Variants in ABI3BP observed in about 807,000 individuals in gnomAD.
ABI3BP encodes the protein ABI family member 3 binding protein.
Under a neutral mutation model 268.6 loss-of-function variants are expected in ABI3BP, and 216 were observed. That is an observed-to-expected ratio of 0.80 (90% CI 0.72 to 0.90). The LOEUF (loss-of-function observed/expected upper bound fraction) is 0.90, where lower values mean the gene tolerates loss of function less well. ABI3BP is among the 40% of genes least tolerant of loss of function. The pLI, the probability that ABI3BP is intolerant of heterozygous loss-of-function variation, is 0.00. For missense variants in ABI3BP, 2,090 were observed against 2,182.4 expected (o/e 0.96, Z 0.84); for synonymous variants, 730 against 730.0 (o/e 1.00, Z 0.00).
chr3:100,751,584 T>C lies in ABI3BP; in HGVS notation c.5213A>G (p.Gln1738Arg), dbSNP rs987529961. ...DSFLDGRTGQ[Q>R]LTSDQLPIKE... ...GATTGGTAACTGGTCAGAAGTGAGT[T>C]GCTGCCCAGTGCGTCCATCTAAAAA... The change falls in exon 67 of 68, where the codon CAA becomes CGA. Residue 1738 changes from glutamine (Q) to arginine (R), a missense_variant. Physicochemically the swap from Gln to Arg is conservative, Grantham distance 43. Coordinates refer to ENST00000471714, the MANE Select transcript of ABI3BP (RefSeq NM_001375547.2). 1.9e-5 allele frequency: 30 copies of C among 1,596,972 alleles called. No individual in the cohort carries two copies. Among genetic ancestry groups the C allele is most frequent in the Non-Finnish European group, 2.5e-5 (29 of 1,170,636 alleles).
chr3:100,757,755 G>GAAATTCACAA (rs2095702754), intron 63 of ABI3BP, among the ~76,000 whole-genome samples: 1 of 152,090 alleles, frequency 6.6e-6, no homozygotes, highest in Non-Finnish European at 1.5e-5. Context: ...AGAAATGACT[G>GAAATTCACAA]GAGTATTTGA....
Position 100,861,276 on chromosome 3 carries a change from C to T in ABI3BP, c.1285+1035G>A, listed in dbSNP as rs576428094. ...TCTATCTTTTGCAGATATCTGAGCC[C>T]ATTACATATACTAGAGAAAGGATAA... On this transcript the variant is annotated intron_variant, in intron 14 of 67. Coordinates refer to ENST00000471714, the MANE Select transcript of ABI3BP (RefSeq NM_001375547.2). Among the ~76,000 whole-genome samples the T allele has an allele frequency of 1.6e-3, 248 of 152,244 alleles. 2 individuals are homozygous for T. Among genetic ancestry groups the T allele is most frequent in the African/African-American group, 5.7e-3 (235 of 41,538 alleles).
intron 51 of ABI3BP, among the ~76,000 whole-genome samples, chr3:100,802,365 T>C (rs1446296036): frequency 1.3e-5 from 2 of 152,172 alleles, no homozygotes; most frequent in Non-Finnish European, 2.9e-5. Context: ...GCTCTTGGTG[T>C]AGAAAGGAAC....
intron 48 of ABI3BP, 32 bp from the exon 49 acceptor site, chr3:100,810,509 C>T: frequency 6.8e-7 from 1 of 1,473,922 alleles, no homozygotes; most frequent in South Asian, 1.2e-5. Context: ...ACGCGGGTTA[C>T]TATAGCACTT....
At position 100,770,783 on chromosome 3, in the gene ABI3BP, G is replaced by A; in HGVS notation, c.4701C>T (p.Val1567=). Residue 1567 remains valine, a synonymous_variant, in exon 62 of 68, where the codon GTC becomes GTT. Transcript: ENST00000471714. Reference sequence around the variant, plus strand: ...TTAGTGGCTTTTCCCAGTCCAAGATGACAAATGAGGGGCACCCTTCCACGG... The same window carrying A: ...TTAGTGGCTTTTCCCAGTCCAAGATAACAAATGAGGGGCACCCTTCCACGG... ...VVTVEGCPSF[V]ILDWEKPLND... The A allele has an allele frequency of 6.4e-7, 1 of 1,556,870 alleles. No homozygotes were observed. Among genetic ancestry groups the A allele is most frequent in the Non-Finnish European group, 8.7e-7 (1 of 1,150,568 alleles).
At chr3:100,760,726 C>T (rs1368947308) in intron 63 of ABI3BP, among the ~76,000 whole-genome samples, 5 of 152,212 alleles carry the variant, frequency 3.3e-5, no homozygotes, top group South Asian at 2.1e-4. Flanking sequence ...CTGCTCTATT[C>T]GCAGAACTAA....
intron 34 of ABI3BP, among the ~76,000 whole-genome samples, chr3:100,828,018 C>T (rs2098419687): frequency 6.6e-6 from 1 of 151,402 alleles, no homozygotes; most frequent in Non-Finnish European, 1.5e-5. Context: ...GATAAAAAAA[C>T]AAACAAAAAT....
intron 62 of ABI3BP, among the ~76,000 whole-genome samples, chr3:100,768,935 T>C (rs2096441049): frequency 6.6e-6 from 1 of 152,240 alleles, no homozygotes; most frequent in Non-Finnish European, 1.5e-5. Flanking sequence ...TAGAAGCAGC[T>C]GAAGCTGGAT....
chr3:100,959,738 A>G (rs563459067), intron 1 of ABI3BP, among the ~76,000 whole-genome samples: 4 of 152,270 alleles, frequency 2.6e-5, no homozygotes, highest in South Asian at 2.1e-4. Flanking sequence ...TCTTGACTTT[A>G]TAAGATAATG....
chr3:100,758,122 A>G (rs1012142257), intron 63 of ABI3BP, among the ~76,000 whole-genome samples: 2 of 152,008 alleles, frequency 1.3e-5, no homozygotes, highest in African/African-American at 2.4e-5. Flanking sequence ...AAAAAAAACA[A>G]TCTTCCCCGC....
intron 1 of ABI3BP, among the ~76,000 whole-genome samples, chr3:100,939,227 G>A (rs1235515303): frequency 6.6e-6 from 1 of 152,102 alleles, no homozygotes; most frequent in Non-Finnish European, 1.5e-5. Context: ...CAGTGAACAT[G>A]TAGCTGCTCT....
In ABI3BP at chr3:100,864,017, G is replaced by A. The variant is rs1388301015; in HGVS notation, c.1123C>T (p.Pro375Ser). The change falls in exon 12 of 68, where the codon CCA becomes TCA. Residue 375 changes from proline to serine, a missense_variant. Pro to Ser is a moderately conservative substitution (Grantham distance 74). Transcript: ENST00000471714. ...TATTTTTTACCTAGAGTGCTCAGTG[G>A]CAATTCAAACTGAGGTATTAGAATA... ...QTILIPQFEL[P>S]LSTLAPKSLP... 7 of 1,534,436 alleles carry A rather than the reference G, an allele frequency of 4.6e-6. No individual in the cohort carries two copies. Among genetic ancestry groups the A allele is most frequent in the Non-Finnish European group, 6.1e-6 (7 of 1,145,296 alleles).
intron 57 of ABI3BP, among the ~76,000 whole-genome samples, chr3:100,784,276 A>T (rs1489115252): frequency 6.6e-6 from 1 of 152,166 alleles, no homozygotes; most frequent in Admixed American, 6.5e-5. Flanking sequence ...AGGTGGTCTA[A>T]GACTGTAAAG....
intron 55 of ABI3BP, among the ~76,000 whole-genome samples, chr3:100,792,483 G>A (rs1207080320): frequency 2.0e-5 from 3 of 151,752 alleles, no homozygotes; most frequent in African/African-American, 7.2e-5. Flanking sequence ...ATTAAAAAAA[G>A]TAAGTGCCAG....
intron 4 of ABI3BP, among the ~76,000 whole-genome samples, chr3:100,894,832 G>A (rs573547735): frequency 2.0e-5 from 3 of 150,606 alleles, no homozygotes; most frequent in Admixed American, 6.6e-5. Flanking sequence ...CCAGCTACTC[G>A]GGAGGCTGAG....
rs1198052383 is a variant in ABI3BP, at chr3:100,972,261, A to T, written c.79+21045T>A. Among the ~76,000 whole-genome samples, 3 of 152,218 alleles carry T rather than the reference A, an allele frequency of 2.0e-5. No individual in the cohort carries two copies. In the East Asian group the frequency reaches 5.8e-4, roughly 29 times the overall value. ...AATTAAAAAGCAAAATCAAATTTTTATGTGAAAAACCCCTCTGTACTGAAA... is the reference window on the plus strand; with the variant it reads ...AATTAAAAAGCAAAATCAAATTTTTTTGTGAAAAACCCCTCTGTACTGAAA... On this transcript the variant is annotated intron_variant, in intron 1 of 67. Coordinates refer to ENST00000471714, the MANE Select transcript of ABI3BP (RefSeq NM_001375547.2).
intron 61 of ABI3BP, among the ~76,000 whole-genome samples, chr3:100,771,744 TG>T (rs1487904952): frequency 6.6e-6 from 1 of 152,052 alleles, no homozygotes; most frequent in East Asian, 1.9e-4. Flanking sequence ...TTAAAAATAA[TG>T]AACATCACTG....
chr3:100,759,229 A>G (rs901334431), intron 63 of ABI3BP, among the ~76,000 whole-genome samples: 3 of 152,210 alleles, frequency 2.0e-5, no homozygotes, highest in African/African-American at 7.2e-5. Flanking sequence ...TTTGATCCCC[A>G]TTCAGGTGAA....
intron 11 of ABI3BP, 177 bp downstream of exon 11, chr3:100,864,656 T>C: frequency 3.5e-6 from 2 of 573,286 alleles, no homozygotes; most frequent in Non-Finnish European, 6.1e-6. Flanking sequence ...TGTGGTTAAC[T>C]CTTCAGTGGA....
Sources: allele counts gnomAD v4.1 joint callset (sites outside exome capture counted in the v4.1 genomes callset), GRCh38; gene constraint gnomAD v4.1.1; transcripts MANE v1.5; gene names NCBI Gene and HGNC (gene_info 2026-07-23, HGNC 2026-07-21).